Variants in JDP2 observed in about 807,000 individuals in gnomAD.
JDP2 encodes Jun dimerization protein 2, also known as progesterone receptor co-activator.
Under a neutral mutation model 17.1 loss-of-function variants are expected in JDP2, and 9 were observed. The ratio of observed to expected loss-of-function variants is 0.53; its 90% CI spans 0.32 to 0.92. JDP2 has a LOEUF of 0.92. JDP2 is among the 40% of genes least tolerant of loss of function. The pLI is 0.04. For missense variants in JDP2, 179 were observed against 220.0 expected, an observed-to-expected ratio of 0.81 and a Z score of 1.18; for synonymous variants, 107 against 95.6, an observed-to-expected ratio of 1.12 and a Z score of -0.69.
chr14:75,431,099 TAGTGTTAA>T (rs2140030452), intron 1 of JDP2, among the ~76,000 whole-genome samples: 1 of 152,222 alleles, frequency 6.6e-6, no homozygotes, highest in East Asian at 1.9e-4. Context: ...TTAGGTGTGG[TAGTGTTAA>T]CCCCTGCCAG....
intron 1 of JDP2, among the ~76,000 whole-genome samples, chr14:75,432,900 C>T (rs578235943): frequency 6.6e-6 from 1 of 152,152 alleles, no homozygotes; most frequent in South Asian, 2.1e-4. Flanking sequence ...ATAGACACTT[C>T]CATTAAAAAA....
chr14:75,462,968 G>A (rs747975747), intron 3 of JDP2, among the ~76,000 whole-genome samples: 2 of 152,224 alleles, frequency 1.3e-5, no homozygotes, highest in Non-Finnish European at 2.9e-5. Context: ...TAAGACACGA[G>A]CCTTCAAGAT....
At chr14:75,449,074 G>T (rs1252451515) in intron 2 of JDP2, among the ~76,000 whole-genome samples, 1 of 152,320 alleles carries the variant, frequency 6.6e-6, no homozygotes. Flanking sequence ...TATTCTTGAT[G>T]GGGAGGTTGC....
At chr14:75,453,158 T>G (rs1885943483) in intron 2 of JDP2, among the ~76,000 whole-genome samples, 4 of 145,740 alleles carry the variant, frequency 2.7e-5, no homozygotes, top group South Asian at 4.6e-4. Flanking sequence ...TGCCCTACTT[T>G]GTTGATGGGG....
intron 2 of JDP2, among the ~76,000 whole-genome samples, chr14:75,440,130 G>A (rs902277079): frequency 8.5e-5 from 13 of 152,164 alleles, no homozygotes; most frequent in African/African-American, 1.9e-4. Context: ...CGACAGTGAC[G>A]TGCTGTCCTC....
chr14:75,447,136 A>T (rs1885638844), intron 2 of JDP2, among the ~76,000 whole-genome samples: 1 of 152,236 alleles, frequency 6.6e-6, no homozygotes, highest in Non-Finnish European at 1.5e-5. Flanking sequence ...TCTTTCAAAA[A>T]TATTGATCCT....
chr14:75,434,545 T>C (rs1047185016), intron 1 of JDP2, among the ~76,000 whole-genome samples: 5 of 152,164 alleles, frequency 3.3e-5, no homozygotes, highest in Non-Finnish European at 5.9e-5. Flanking sequence ...GCAAAATTTA[T>C]GGGGCCCGTG....
At chr14:75,431,886 G>A (rs562213154) in intron 1 of JDP2, among the ~76,000 whole-genome samples, 1 of 152,374 alleles carries the variant, frequency 6.6e-6, no homozygotes, top group South Asian at 2.1e-4. Flanking sequence ...CTTACTATGT[G>A]CAGGCACTGT....
At chr14:75,436,814 CCTT>C (rs1411684844) in intron 1 of JDP2, among the ~76,000 whole-genome samples, 1 of 152,252 alleles carries the variant, frequency 6.6e-6, no homozygotes, top group Non-Finnish European at 1.5e-5. Flanking sequence ...TAATTTACAT[CCTT>C]CTTCCATGTC....
Position 75,445,627 on chromosome 14 carries a change from AC to A in JDP2, c.201+7510del, listed in dbSNP as rs983654617. The A allele has an allele frequency of 1.4e-5, 14 of 966,800 alleles. No individual in the cohort carries two copies. In the African/African-American group the frequency reaches 1.8e-4, roughly 12 times the overall value. The allele number at this position is 966,800 out of a possible 1,614,324, so 59.9% of individuals were successfully genotyped here. A position where few individuals can be genotyped will look rare whatever the true frequency, so the allele number is the denominator to read the frequency against. ...TCCCTTGTAAAAATAGGGGAAATAGACCCCTACCTAGTACCTAGTACCATAT... is the reference window on the plus strand; with the variant it reads ...TCCCTTGTAAAAATAGGGGAAATAGACCCTACCTAGTACCTAGTACCATAT... On this transcript the variant is annotated intron_variant, in intron 2 of 3. Coordinates refer to ENST00000651602, the MANE Select transcript of JDP2 (RefSeq NM_001135048.2).
chr14:75,445,169 G>A, intron 2 of JDP2: 1 of 985,322 alleles, frequency 1.0e-6, no homozygotes. Context: ...CAACTATGAA[G>A]CCATTTAAGT....
chr14:75,432,477 G>T, intron 1 of JDP2: 1 of 792,154 alleles, frequency 1.3e-6, no homozygotes, highest in Admixed American at 2.5e-5. Context: ...AGTCTCAGTC[G>T]CCATTGCCCA....
intron 2 of JDP2, among the ~76,000 whole-genome samples, chr14:75,439,321 G>A (rs1269031205): frequency 1.3e-5 from 2 of 152,234 alleles, no homozygotes; most frequent in African/African-American, 4.8e-5. Context: ...CTGGCTCTCA[G>A]ATGTATTTTG....
intron 2 of JDP2, chr14:75,445,196 G>A (rs1192500674): frequency 1.0e-6 from 1 of 985,318 alleles, no homozygotes; most frequent in African/African-American, 1.7e-5. Context: ...TCCTTCTACT[G>A]TGCCCAAAAG....
chr14:75,442,718 T>C (rs1885411197), intron 2 of JDP2, among the ~76,000 whole-genome samples: 1 of 152,172 alleles, frequency 6.6e-6, no homozygotes, highest in Non-Finnish European at 1.5e-5. Context: ...GGAAACTTCT[T>C]AAAAAGTATA....
At chr14:75,439,733 A>T (rs1125772) in intron 2 of JDP2, among the ~76,000 whole-genome samples, 120,337 of 152,210 alleles carry the variant, frequency 0.79, 48,208 homozygotes, top group African/African-American at 0.93. Flanking sequence ...GTTGGGGCAC[A>T]TCCCGGCTTA....
intron 1 of JDP2, among the ~76,000 whole-genome samples, chr14:75,435,799 T>A (rs1328004186): frequency 6.6e-6 from 1 of 152,090 alleles, no homozygotes; most frequent in Non-Finnish European, 1.5e-5. Context: ...AGAGAAAGGA[T>A]GTGAGTGGGA....
chr14:75,428,127 G>C lies in JDP2; in HGVS notation c.-149G>C, dbSNP rs1199367140. The stretch of plus-strand genomic sequence containing the variant: ...CGGGGCTGGCGCCGCGGCGGCTCCC[G>C]GGCCGGGACAGGCCTGGGCACCGGG... On this transcript the variant is annotated 5_prime_UTR_variant, in exon 1 of 4. Transcript: ENST00000651602. This position sits in a 1 kb window ranked among gnomAD's most constrained non-coding sequence, Gnocchi z 5.6. 6.8e-6 allele frequency: 1 copy of C among 146,188 alleles called. No individual in the cohort carries two copies. The highest frequency in any genetic ancestry group is 2.5e-5 in the African/African-American group (1 of 40,694). 9.1% of individuals were successfully genotyped at this position (146,188 alleles called of 1,614,324 possible). A position where few individuals can be genotyped will look rare whatever the true frequency, so the allele number is the denominator to read the frequency against.
chr14:75,452,868 C>T (rs900015048), intron 2 of JDP2, among the ~76,000 whole-genome samples: 5 of 152,266 alleles, frequency 3.3e-5, no homozygotes, highest in South Asian at 2.1e-4. Context: ...AAGCCCTGCC[C>T]GCTGTTCACT....
Sources: allele counts gnomAD v4.1 joint callset (sites outside exome capture counted in the v4.1 genomes callset), GRCh38; gene constraint gnomAD v4.1.1; non-coding constraint Gnocchi (gnomAD v3.1); transcripts MANE v1.5; gene names NCBI Gene and HGNC (gene_info 2026-07-23, HGNC 2026-07-21).